The following DAB1 variants were observed in gnomAD, a reference collection of about 807,000 sequenced individuals.
DAB1 encodes the protein disabled homolog 1.
A neutral mutation model predicts 64.6 loss-of-function variants in DAB1; 15 were observed. The ratio of observed to expected loss-of-function variants is 0.23; its 90% CI spans 0.16 to 0.36. The LOEUF is 0.36. Among genes scored for constraint, DAB1 ranks in the 10% least tolerant of loss-of-function variants. The probability of loss-of-function intolerance (pLI) is 1.00; values close to 1 mark genes in which losing one functional copy is unlikely to be tolerated. For synonymous variants in DAB1, 235 were observed against 251.9 expected, an observed-to-expected ratio of 0.93 and a Z score of 0.64; for missense variants, 596 against 706.7, an observed-to-expected ratio of 0.84 and a Z score of 1.78.
chr1:57,180,234 C>T (rs971668276), intron 2 of DAB1, among the ~76,000 whole-genome samples: 1 of 152,218 alleles, frequency 6.6e-6, no homozygotes, highest in Non-Finnish European at 1.5e-5. Flanking sequence ...CTAAACTGCA[C>T]CTTCCCCTTT....
intron 5 of DAB1, among the ~76,000 whole-genome samples, chr1:57,985,999 G>C (rs1646208419): frequency 6.6e-6 from 1 of 152,198 alleles, no homozygotes; most frequent in Non-Finnish European, 1.5e-5. Context: ...CTGAAGCTCA[G>C]AGAGATTAAC....
At chr1:57,493,820 GT>G (rs1370443663) in intron 7 of DAB1, among the ~76,000 whole-genome samples, 7 of 150,150 alleles carry the variant, frequency 4.7e-5, no homozygotes, top group Non-Finnish European at 1.0e-4. Context: ...CACTGAGAAT[GT>G]CCACCCCACT....
chr1:57,861,376 G>C (rs1174699291), intron 1 of DAB1, among the ~76,000 whole-genome samples: 2 of 152,206 alleles, frequency 1.3e-5, no homozygotes, highest in Non-Finnish European at 2.9e-5. Context: ...GCCCTCTTCT[G>C]GGTTACAGAT....
At chr1:57,854,975 C>T (rs771645324) in intron 1 of DAB1, among the ~76,000 whole-genome samples, 6 of 152,186 alleles carry the variant, frequency 3.9e-5, no homozygotes, top group African/African-American at 9.6e-5. Flanking sequence ...CTAGGTTTTC[C>T]GTAGTTTTTC....
intron 5 of DAB1, among the ~76,000 whole-genome samples, chr1:57,940,029 G>C (rs556259733): frequency 4.2e-4 from 64 of 152,280 alleles, no homozygotes; most frequent in East Asian, 1.9e-3. Flanking sequence ...TTTACAGAAG[G>C]CCAAACCTAC....
At chr1:57,473,753 C>T (rs1206629626) in intron 7 of DAB1, among the ~76,000 whole-genome samples, 1 of 152,210 alleles carries the variant, frequency 6.6e-6, no homozygotes, top group Admixed American at 6.5e-5. Context: ...TGCATCCGAT[C>T]TGCATACCGT....
intron 4 of DAB1, among the ~76,000 whole-genome samples, chr1:58,155,510 C>T (rs1273742681): frequency 6.6e-6 from 1 of 152,150 alleles, no homozygotes; most frequent in Non-Finnish European, 1.5e-5. Flanking sequence ...CCTGCCTGGC[C>T]CCATCCAGCC....
At chr1:58,295,818 C>G (rs1051385486) in intron 4 of DAB1, among the ~76,000 whole-genome samples, 17 of 151,960 alleles carry the variant, frequency 1.1e-4, no homozygotes, top group African/African-American at 4.1e-4. Context: ...TGGCTGGGCG[C>G]AGTGGCTCAT....
At chr1:57,659,521 T>C (rs1348426136) in intron 6 of DAB1, among the ~76,000 whole-genome samples, 1 of 152,084 alleles carries the variant, frequency 6.6e-6, no homozygotes, top group Non-Finnish European at 1.5e-5. Context: ...ACATGAATGG[T>C]GTTCTCTACT....
intron 2 of DAB1, among the ~76,000 whole-genome samples, chr1:57,224,507 C>G: frequency 6.6e-6 from 1 of 152,190 alleles, no homozygotes; most frequent in East Asian, 1.9e-4. Flanking sequence ...TGCTCTCTAA[C>G]CAGTCTGTTC....
At chr1:58,186,668 A>C (rs1657093177) in intron 4 of DAB1, among the ~76,000 whole-genome samples, 1 of 152,206 alleles carries the variant, frequency 6.6e-6, no homozygotes, top group Non-Finnish European at 1.5e-5. Flanking sequence ...CCTAAAACTC[A>C]GTAAATTATT....
chr1:58,460,654 T>A (rs748646769), intron 3 of DAB1, among the ~76,000 whole-genome samples: 110 of 152,178 alleles, frequency 7.2e-4, no homozygotes, highest in Non-Finnish European at 1.4e-3. Context: ...GAGGGTCCCT[T>A]CCCACGCATG....
rs370991613 is a variant in DAB1 at position 57,382,083 on chromosome 1, T to C, written c.-137+41847A>G. Among the ~76,000 whole-genome samples the C allele has an allele frequency of 6.6e-4, 100 of 152,294 alleles. 1 individual carries two copies. The South Asian group carries it at 0.017, about 27-fold the overall frequency. Reference sequence around the variant, plus strand: ...AGTCTCTAAATTGTACTGGGTATGATAAAGCTTTCACCCTCCCTCTTCCCG... The same window carrying C: ...AGTCTCTAAATTGTACTGGGTATGACAAAGCTTTCACCCTCCCTCTTCCCG... On this transcript the variant is annotated intron_variant, in intron 1 of 14. Transcript: ENST00000371236.
At chr1:58,213,545 G>A (rs530654651) in intron 4 of DAB1, among the ~76,000 whole-genome samples, 4 of 152,224 alleles carry the variant, frequency 2.6e-5, no homozygotes, top group Non-Finnish European at 5.9e-5. Flanking sequence ...ACCAGATCAT[G>A]TGAGAACTCA....
chr1:57,474,014 G>T (rs759564613), intron 7 of DAB1, among the ~76,000 whole-genome samples: 1 of 152,120 alleles, frequency 6.6e-6, no homozygotes, highest in Non-Finnish European at 1.5e-5. Flanking sequence ...TAGATTTCAG[G>T]ATTTAGGGGA....
In DAB1 at chr1:57,808,290, A is replaced by T. The variant is rs561053405; in HGVS notation, n.551+75709T>A. Among the ~76,000 whole-genome samples the T allele has an allele frequency of 2.0e-5, 3 of 152,074 alleles. No individual in the cohort carries two copies. The South Asian group carries it at 6.2e-4, about 32-fold the overall frequency. ...AAAACTCCTCTAGTTTTCTCTGGTT[A>T]ACTGTAACTATTCTTTGAATCTTAG... On this transcript the variant is annotated intron_variant and non_coding_transcript_variant, in intron 6 of 20. Transcript: ENST00000485760.
Position 57,891,613 on chromosome 1 carries a change from GC to G in DAB1, n.388-7452del, listed in dbSNP as rs199659951. Among the ~76,000 whole-genome samples, 248 of 152,286 alleles carry G rather than the reference GC, an allele frequency of 1.6e-3. 5 individuals carry two copies. The South Asian group carries it at 0.033, about 20-fold the overall frequency. On this transcript the variant is annotated intron_variant and non_coding_transcript_variant, in intron 5 of 20. Transcript: ENST00000485760. ...GCAAAGTCTTGGAACCAACCCAAAT[GC>G]CCATCAATAATAGACTGGATAAAGA...
chr1:57,010,671 G>A lies in DAB1; in HGVS notation c.*15+9C>T. ...AAGGGTAAAGGAGATAAAAAGGACA[G>A]ATACCTACCCAGACCTGCGCTATCT... On this transcript the variant is annotated intron_variant, in intron 14 of 14. Coordinates refer to ENST00000371236, the MANE Select transcript of DAB1 (RefSeq NM_001365792.1). The A allele has an allele frequency of 6.9e-7, 1 of 1,459,662 alleles. No homozygotes were observed. The highest frequency in any genetic ancestry group is 9.2e-7 in the Non-Finnish European group (1 of 1,083,480). The allele number at this position is 1,459,662 out of a possible 1,614,324, so 90.4% of individuals were successfully genotyped here. A position where few individuals can be genotyped will look rare whatever the true frequency, so the allele number is the denominator to read the frequency against.
chr1:57,644,270 G>T (rs937540347), intron 7 of DAB1, among the ~76,000 whole-genome samples: 6 of 152,198 alleles, frequency 3.9e-5, no homozygotes, highest in Non-Finnish European at 5.9e-5. Context: ...TGGCGATGAG[G>T]TGGTGAGAGG....
Sources: gnomAD v4.1 joint callset for allele counts (sites outside exome capture counted in the v4.1 genomes callset) on GRCh38, gnomAD v4.1.1 for gene constraint, MANE v1.5 for transcripts, NCBI Gene and HGNC (gene_info 2026-07-23, HGNC 2026-07-21) for gene names.